Variants in OPCML observed in about 807,000 individuals in gnomAD.
OPCML encodes opioid binding protein/cell adhesion molecule like, also known as opioid-binding protein/cell adhesion molecule.
A neutral mutation model predicts 37.8 loss-of-function variants in OPCML; 13 were observed. The ratio of observed to expected loss-of-function variants is 0.34; its 90% confidence interval spans 0.22 to 0.55. The LOEUF (loss-of-function observed/expected upper bound fraction) is 0.55. Ranked by LOEUF, OPCML falls within the 20% of genes least tolerant of loss-of-function variation. The probability of loss-of-function intolerance (pLI) is 0.91; values close to 1 mark genes in which losing one functional copy is unlikely to be tolerated. For synonymous variants in OPCML, 176 were observed against 168.8 expected (o/e 1.04, Z -0.33); for missense variants, 341 against 435.6 (o/e 0.78, Z 1.93).
chr11:132,451,181 CT>C lies in OPCML; in HGVS notation c.506-13823del, dbSNP rs1209958975. On this transcript the variant is annotated intron_variant, in intron 4 of 7. Coordinates refer to ENST00000524381, the MANE Select transcript of OPCML (RefSeq NM_001012393.5). ...AAATCTCAATTACAAAGCAAATCAG[CT>C]GCAGAAGAGAAGAGACCATTTCCAT... is the stretch of plus-strand genomic sequence containing the variant. Among the ~76,000 whole-genome samples, 54 of 152,284 alleles carry C rather than the reference CT, an allele frequency of 3.5e-4. 2 individuals carry two copies. The highest frequency in any genetic ancestry group is 3.5e-3 in the Admixed American group (54 of 15,302).
chr11:132,810,095 C>T (rs1156787923), intron 2 of OPCML, among the ~76,000 whole-genome samples: 7 of 152,022 alleles, frequency 4.6e-5, no homozygotes, highest in Admixed American at 3.3e-4. Flanking sequence ...GTGATCCGCC[C>T]GCCTCAGCCT....
intron 1 of OPCML, among the ~76,000 whole-genome samples, chr11:133,020,237 C>T (rs543711284): frequency 9.9e-5 from 15 of 152,158 alleles, no homozygotes; most frequent in Non-Finnish European, 1.5e-4. Flanking sequence ...CAGAAATGGT[C>T]GGCCCATCTC....
At chr11:133,026,330 T>A in intron 1 of OPCML, 1 of 959,430 alleles carries the variant, frequency 1.0e-6, no homozygotes, top group Non-Finnish European at 1.2e-6. Flanking sequence ...CATTTGATAG[T>A]TTTCCTGAGA....
chr11:132,755,891 G>A (rs897217518), intron 2 of OPCML, among the ~76,000 whole-genome samples: 2 of 152,152 alleles, frequency 1.3e-5, no homozygotes, highest in African/African-American at 4.8e-5. Context: ...TGACAAGAGT[G>A]ATGTGGCCTC....
At chr11:132,850,727 C>T (rs1231295401) in intron 2 of OPCML, among the ~76,000 whole-genome samples, 16 of 152,198 alleles carry the variant, frequency 1.1e-4, no homozygotes, top group Non-Finnish European at 2.9e-5. Context: ...TCCTAAACCT[C>T]AGTCAACTAA....
intron 3 of OPCML, among the ~76,000 whole-genome samples, chr11:132,536,536 T>C (rs983587865): frequency 6.6e-6 from 1 of 152,172 alleles, no homozygotes; most frequent in Non-Finnish European, 1.5e-5. Flanking sequence ...ATTGTTGTTA[T>C]TATTATCAGG....
intron 4 of OPCML, among the ~76,000 whole-genome samples, chr11:132,446,192 C>T (rs1057293621): frequency 6.2e-5 from 8 of 128,706 alleles, no homozygotes; most frequent in Admixed American, 9.3e-5. Context: ...CTGGATGATA[C>T]TGTTGACTCA....
chr11:133,492,922 T>G (rs4937780), intron 1 of OPCML, among the ~76,000 whole-genome samples: 36,897 of 151,944 alleles, frequency 0.24, 5,322 homozygotes, highest in African/African-American at 0.38. Flanking sequence ...TAAAACAGGA[T>G]AGAAAGGCAC....
intron 1 of OPCML, among the ~76,000 whole-genome samples, chr11:133,135,846 A>G (rs929752061): frequency 3.3e-5 from 5 of 152,196 alleles, no homozygotes; most frequent in Admixed American, 3.3e-4. Context: ...TTTATTTAGG[A>G]AAGGACATGA....
intron 2 of OPCML, among the ~76,000 whole-genome samples, chr11:132,832,917 T>C (rs576526303): frequency 1.3e-5 from 2 of 150,848 alleles, no homozygotes; most frequent in East Asian, 1.9e-4. Flanking sequence ...AAAAATGTGA[T>C]AAAAAGATTT....
Position 132,420,001 on chromosome 11 carries a change from C to G in OPCML, c.*192G>C. On this transcript the variant is annotated 3_prime_UTR_variant, in exon 8 of 8. Transcript: ENST00000524381. ...CCTACACGTGGTAGAACCCTGCCCA[C>G]CCCGCCCCCAACCCCACTCATTCAA... The G allele has an allele frequency of 5.8e-6, 2 of 343,930 alleles. No homozygotes were observed. Among genetic ancestry groups the G allele is most frequent in the Non-Finnish European group, 1.1e-5 (2 of 178,114 alleles). The allele number at this position is 343,930 out of a possible 1,614,324, so 21.3% of individuals were successfully genotyped here.
chr11:132,456,989 T>C (rs1419267950), intron 4 of OPCML, among the ~76,000 whole-genome samples: 1 of 152,112 alleles, frequency 6.6e-6, no homozygotes, highest in Non-Finnish European at 1.5e-5. Flanking sequence ...GACAATAGAA[T>C]GTGGCTCATG....
At chr11:132,692,195 C>T (rs745933419) in intron 2 of OPCML, among the ~76,000 whole-genome samples, 1 of 151,384 alleles carries the variant, frequency 6.6e-6, no homozygotes, top group Non-Finnish European at 1.5e-5. Flanking sequence ...ATCAGGTTTG[C>T]CTTTTGCTTC....
At chr11:133,084,507 G>A (rs1948790051) in intron 1 of OPCML, among the ~76,000 whole-genome samples, 1 of 152,188 alleles carries the variant, frequency 6.6e-6, no homozygotes, top group South Asian at 2.1e-4. Context: ...TCTCTTGAGG[G>A]TGTCTAAGTT....
chr11:133,450,591 A>T (rs530020790), intron 1 of OPCML, among the ~76,000 whole-genome samples: 1 of 151,204 alleles, frequency 6.6e-6, no homozygotes, highest in East Asian at 1.9e-4. Flanking sequence ...AATGGAATTT[A>T]AAAAAAAACA....
intron 1 of OPCML, chr11:133,024,933 A>G: frequency 1.0e-6 from 1 of 985,454 alleles, no homozygotes; most frequent in Non-Finnish European, 1.2e-6. Context: ...ATATATTTGA[A>G]TTCCTGAACC....
intron 1 of OPCML, among the ~76,000 whole-genome samples, chr11:133,517,857 G>A (rs2120673515): frequency 6.6e-6 from 1 of 152,330 alleles, no homozygotes; most frequent in East Asian, 1.9e-4. Flanking sequence ...CGTGACCACT[G>A]TGTGTGCAGA....
intron 1 of OPCML, among the ~76,000 whole-genome samples, chr11:133,175,299 T>C (rs1950351021): frequency 6.6e-6 from 1 of 152,126 alleles, no homozygotes; most frequent in African/African-American, 2.4e-5. Context: ...AGGACTCACA[T>C]CTGCTGTGAG....
intron 1 of OPCML, among the ~76,000 whole-genome samples, chr11:133,337,658 G>A (rs1345104355): frequency 2.0e-5 from 3 of 152,070 alleles, no homozygotes; most frequent in Admixed American, 1.3e-4. Context: ...TACCTCACCA[G>A]GGCACTTTTA....
Sources: allele counts gnomAD v4.1 joint callset (sites outside exome capture counted in the v4.1 genomes callset), GRCh38; gene constraint gnomAD v4.1.1; transcripts MANE v1.5; gene names NCBI Gene and HGNC (gene_info 2026-07-23, HGNC 2026-07-21).